Variants in KAZN observed in about 807,000 individuals in gnomAD.
KAZN encodes the protein kazrin.
Under a neutral mutation model 87.4 loss-of-function variants are expected in KAZN, and 40 were observed. That is an observed-to-expected ratio of 0.46 (90% CI 0.36 to 0.60). The LOEUF is 0.60. Among genes scored for constraint, KAZN ranks in the 20% least tolerant of loss-of-function variants. The pLI, the probability that KAZN is intolerant of heterozygous loss-of-function variation, is 0.00. For synonymous variants in KAZN, 466 were observed against 458.3 expected (o/e 1.02, Z -0.22); for missense variants, 898 against 1,073.9 (o/e 0.84, Z 2.29).
chr1:14,740,664 C>T (rs939272531), intron 1 of KAZN, among the ~76,000 whole-genome samples: 3 of 152,162 alleles, frequency 2.0e-5, no homozygotes, highest in African/African-American at 7.2e-5. Context: ...GCCCGCACTC[C>T]CATCTCAGGT....
At chr1:14,324,204 C>G (rs1656245067) in intron 2 of KAZN, among the ~76,000 whole-genome samples, 1 of 152,182 alleles carries the variant, frequency 6.6e-6, no homozygotes, top group South Asian at 2.1e-4. Context: ...TCCCTAGTCC[C>G]TGACTACAGT....
chr1:14,408,336 T>C (rs545579111), intron 2 of KAZN, among the ~76,000 whole-genome samples: 223 of 152,316 alleles, frequency 1.5e-3, no homozygotes, highest in African/African-American at 5.0e-3. Flanking sequence ...TTTGAGCATC[T>C]GTAGCTTTGG....
At chr1:14,305,898 G>C (rs938616285) in intron 2 of KAZN, among the ~76,000 whole-genome samples, 1 of 152,048 alleles carries the variant, frequency 6.6e-6, no homozygotes, top group Admixed American at 6.5e-5. Context: ...TGGCAGGTAG[G>C]GGCTCTGATG....
At chr1:14,788,324 G>T (rs1046653298) in intron 1 of KAZN, among the ~76,000 whole-genome samples, 4 of 152,160 alleles carry the variant, frequency 2.6e-5, no homozygotes, top group African/African-American at 9.7e-5. Context: ...ACAAATCTGT[G>T]GCAGATGGAA....
intron 1 of KAZN, among the ~76,000 whole-genome samples, chr1:14,717,267 G>A (rs950992836): frequency 6.6e-6 from 1 of 151,820 alleles, no homozygotes; most frequent in Non-Finnish European, 1.5e-5. Context: ...ACCCTGGCAT[G>A]AGCTTTCCCA....
At chr1:14,187,435 A>G (rs1213780990) in intron 2 of KAZN, among the ~76,000 whole-genome samples, 1 of 152,220 alleles carries the variant, frequency 6.6e-6, no homozygotes, top group Non-Finnish European at 1.5e-5. Flanking sequence ...TAGGAAATAT[A>G]TTACAGCCCC....
At chr1:14,486,758 T>G (rs531015732) in intron 2 of KAZN, among the ~76,000 whole-genome samples, 1 of 152,334 alleles carries the variant, frequency 6.6e-6, no homozygotes, top group Non-Finnish European at 1.5e-5. Context: ...TTCCGTTTCT[T>G]GTCCTCCATG....
chr1:15,093,742 T>C (rs972349634), intron 8 of KAZN, among the ~76,000 whole-genome samples: 1 of 152,146 alleles, frequency 6.6e-6, no homozygotes, highest in Non-Finnish European at 1.5e-5. Flanking sequence ...CAGAAATGCT[T>C]TAGGGTAAAT....
intron 2 of KAZN, among the ~76,000 whole-genome samples, chr1:14,569,629 C>T (rs1428713068): frequency 6.6e-6 from 1 of 151,962 alleles, no homozygotes; most frequent in Non-Finnish European, 1.5e-5. Flanking sequence ...GCCACCTCCT[C>T]TACTTTTTTA....
At chr1:14,188,707 C>G (rs565072259) in intron 2 of KAZN, among the ~76,000 whole-genome samples, 19 of 152,210 alleles carry the variant, frequency 1.2e-4, no homozygotes, top group African/African-American at 4.3e-4. Flanking sequence ...ATAGATTATC[C>G]ATGGGCAAAG....
chr1:14,069,043 T>C (rs34261462), intron 1 of KAZN, among the ~76,000 whole-genome samples: 24,397 of 152,162 alleles, frequency 0.16, 2,435 homozygotes, highest in African/African-American at 0.26. Flanking sequence ...ATGATGTGCC[T>C]GCCTGGGCCT....
At chr1:14,029,012 T>C (rs528098662) in intron 1 of KAZN, among the ~76,000 whole-genome samples, 3 of 152,040 alleles carry the variant, frequency 2.0e-5, no homozygotes, top group Non-Finnish European at 4.4e-5. Context: ...CTGGGTCAAA[T>C]GGTATTTCTA....
chr1:14,614,280 C>T (rs1009977606), intron 1 of KAZN, among the ~76,000 whole-genome samples: 11 of 152,210 alleles, frequency 7.2e-5, no homozygotes, highest in Admixed American at 4.6e-4. Context: ...CTGCAAACAC[C>T]CTAAGCTGTC....
chr1:15,064,611 G>A lies in KAZN; in HGVS notation c.1098+989G>A, dbSNP rs533087223. On this transcript the variant is annotated intron_variant, in intron 7 of 14. Coordinates refer to ENST00000376030, the MANE Select transcript of KAZN (RefSeq NM_201628.3). ...CAAGAAAACGTCTCAGAGCAGCTCA[G>A]GTGCTTTCCAGGGTTCCACAGGTAG... Among the ~76,000 whole-genome samples the A allele has an allele frequency of 4.6e-5, 7 of 152,330 alleles. No individual in the cohort carries two copies. The South Asian group carries it at 1.4e-3, about 32-fold the overall frequency.
intron 2 of KAZN, among the ~76,000 whole-genome samples, chr1:14,536,521 T>C (rs1353956732): frequency 6.6e-6 from 1 of 152,124 alleles, no homozygotes; most frequent in Non-Finnish European, 1.5e-5. Flanking sequence ...TTGAGGAGTG[T>C]TAAAGCTCAG....
At chr1:15,002,464 T>A (rs1291678301) in intron 2 of KAZN, among the ~76,000 whole-genome samples, 2 of 152,184 alleles carry the variant, frequency 1.3e-5, no homozygotes, top group Non-Finnish European at 2.9e-5. Flanking sequence ...GACAGCATTG[T>A]GGTTAGCAAT....
At chr1:14,965,981 T>C (rs941142777) in intron 2 of KAZN, among the ~76,000 whole-genome samples, 5 of 118,784 alleles carry the variant, frequency 4.2e-5, no homozygotes, top group South Asian at 2.7e-4. Context: ...CCTTTCCTTT[T>C]CTTTTTTTTT....
At chr1:15,088,727 C>G (rs940339658) in intron 8 of KAZN, among the ~76,000 whole-genome samples, 2 of 152,108 alleles carry the variant, frequency 1.3e-5, no homozygotes, top group Non-Finnish European at 2.9e-5. Flanking sequence ...AGACTCCTCC[C>G]AAGCCCTTCT....
At chr1:14,194,299 G>A (rs1044739832) in intron 2 of KAZN, among the ~76,000 whole-genome samples, 2 of 152,162 alleles carry the variant, frequency 1.3e-5, no homozygotes, top group East Asian at 3.9e-4. Context: ...CAGGGGACAA[G>A]TTGAGTCTCC....
Sources: gnomAD v4.1 joint callset for allele counts (sites outside exome capture counted in the v4.1 genomes callset) on GRCh38, gnomAD v4.1.1 for gene constraint, MANE v1.5 for transcripts, NCBI Gene and HGNC (gene_info 2026-07-23, HGNC 2026-07-21) for gene names.